The following DLGAP2 variants were observed in gnomAD, a reference collection of about 807,000 sequenced individuals.
DLGAP2 encodes the protein DLG associated protein 2, also known as disks large-associated protein 2.
DLGAP2 carries 26 observed loss-of-function variants against 100.3 expected under a neutral mutation model. The ratio of observed to expected loss-of-function variants is 0.26; its 90% CI spans 0.19 to 0.36. The LOEUF is 0.36. DLGAP2 is among the 10% of genes least tolerant of loss of function. The probability of loss-of-function intolerance (pLI) is 1.00; values close to 1 mark genes in which losing one functional copy is unlikely to be tolerated. For synonymous variants in DLGAP2, 886 were observed against 630.1 expected (o/e 1.41, Z -6.08); for missense variants, 1,858 against 1,453.2 (o/e 1.28, Z -4.53).
chr8:1,602,202 A>C (rs2977221), intron 6 of DLGAP2, among the ~76,000 whole-genome samples: 46,542 of 152,114 alleles, frequency 0.31, 7,408 homozygotes, highest in East Asian at 0.5. Flanking sequence ...GAATGGCCCA[A>C]TATGACAAGA....
intron 6 of DLGAP2, among the ~76,000 whole-genome samples, chr8:1,578,896 G>A (rs943614630): frequency 2.6e-5 from 4 of 152,168 alleles, no homozygotes; most frequent in Non-Finnish European, 4.4e-5. Flanking sequence ...CCGTCTGTGG[G>A]TCAGACCCTG....
chr8:1,433,358 G>A (rs1427028336), intron 3 of DLGAP2, among the ~76,000 whole-genome samples: 5 of 152,202 alleles, frequency 3.3e-5, no homozygotes, highest in Non-Finnish European at 5.9e-5. Context: ...CATGGCCTAC[G>A]TGTAGCACAA....
Position 1,592,220 on chromosome 8 carries a change from C to A in DLGAP2, c.1442+26326C>A, listed in dbSNP as rs376791182. ...TCCCCACTGCCAGTTTAGTCCAGTT[C>A]ACATTTACCAAGATCCTTCACAAAA... On this transcript the variant is annotated intron_variant, in intron 6 of 14. Transcript: ENST00000637795. Among the ~76,000 whole-genome samples, 11 of 152,328 alleles carry A rather than the reference C, an allele frequency of 7.2e-5. No homozygotes were observed. The East Asian group carries it at 1.5e-3, about 21-fold the overall frequency.
chr8:1,506,893 GAC>G (rs1563189841), intron 4 of DLGAP2, among the ~76,000 whole-genome samples: 1 of 152,182 alleles, frequency 6.6e-6, no homozygotes, highest in East Asian at 1.9e-4. Flanking sequence ...CCTTGAGCTA[GAC>G]ACAGAGTGCT....
chr8:1,678,307 C>G lies in DLGAP2; in HGVS notation c.2382C>G (p.Asp794Glu). ...EGFPGHITTE[D>E]KGLQFGSSFQ... ...TCCCAGGCCACATCACCACGGAGGA[C>G]AAAGGCCTTCAGTTCGGCTCATCCT... Residue 794 changes from aspartate (D) to glutamate (E), a missense_variant, in exon 12 of 15, where the codon GAC becomes GAG. By Grantham distance (45) the Asp-to-Glu change is conservative. Transcript: ENST00000637795. 8 of 1,613,990 alleles carry G rather than the reference C, an allele frequency of 5.0e-6. No individual in the cohort carries two copies. The highest frequency in any genetic ancestry group is 6.8e-6 in the Non-Finnish European group (8 of 1,179,882).
chr8:1,535,886 T>C (rs1801139443), intron 4 of DLGAP2, among the ~76,000 whole-genome samples: 1 of 152,188 alleles, frequency 6.6e-6, no homozygotes, highest in Non-Finnish European at 1.5e-5. Flanking sequence ...TGGACGGTGC[T>C]GTGGATGGAT....
chr8:1,104,356 G>T (rs1804684549), intron 2 of DLGAP2, among the ~76,000 whole-genome samples: 1 of 152,116 alleles, frequency 6.6e-6, no homozygotes, highest in Non-Finnish European at 1.5e-5. Flanking sequence ...AGGGAGGGTT[G>T]ATGCCAGCCA....
intron 5 of DLGAP2, among the ~76,000 whole-genome samples, chr8:1,557,036 G>A (rs901180294): frequency 4.6e-5 from 7 of 152,100 alleles, no homozygotes; most frequent in Admixed American, 2.0e-4. Flanking sequence ...GCTCAGCACG[G>A]GGGTGGGGGC....
intron 3 of DLGAP2, among the ~76,000 whole-genome samples, chr8:1,331,353 C>A (rs892053350): frequency 3.9e-5 from 6 of 152,156 alleles, no homozygotes; most frequent in Admixed American, 1.3e-4. Flanking sequence ...TTTCACAGCC[C>A]AGGGTGGGCT....
intron 2 of DLGAP2, among the ~76,000 whole-genome samples, chr8:1,229,214 AG>A (rs1441615747): frequency 6.6e-6 from 1 of 152,130 alleles, no homozygotes; most frequent in Admixed American, 6.6e-5. Context: ...AAATTAAAGA[AG>A]GTTTTAGTAT....
At chr8:1,304,401 G>T (rs1224738323) in intron 3 of DLGAP2, among the ~76,000 whole-genome samples, 1 of 152,210 alleles carries the variant, frequency 6.6e-6, no homozygotes, top group Non-Finnish European at 1.5e-5. Context: ...CAGGTTTCAC[G>T]TATGCAGAAA....
chr8:897,917 C>T (rs768509022), intron 1 of DLGAP2, among the ~76,000 whole-genome samples: 7 of 152,138 alleles, frequency 4.6e-5, no homozygotes, highest in Non-Finnish European at 8.8e-5. Context: ...GCACGTGCAG[C>T]GAGTTGCTGT....
intron 1 of DLGAP2, among the ~76,000 whole-genome samples, chr8:874,103 T>C (rs531454333): frequency 3.2e-4 from 48 of 152,308 alleles, no homozygotes; most frequent in Non-Finnish European, 6.5e-4. Context: ...CTCTTTTTTT[T>C]CTTTGTCAAT....
intron 3 of DLGAP2, among the ~76,000 whole-genome samples, chr8:1,495,178 C>T (rs189968379): frequency 3.9e-5 from 6 of 152,270 alleles, no homozygotes; most frequent in East Asian, 1.9e-4. Context: ...TTCATCGTGT[C>T]GTCTTCCAGG....
At chr8:1,363,410 C>T (rs540817559) in intron 3 of DLGAP2, among the ~76,000 whole-genome samples, 21 of 152,298 alleles carry the variant, frequency 1.4e-4, no homozygotes, top group South Asian at 6.2e-4. Context: ...GCCTCCACGT[C>T]GCAGGTCAGG....
intron 2 of DLGAP2, among the ~76,000 whole-genome samples, chr8:1,116,203 G>A: frequency 6.6e-6 from 1 of 152,228 alleles, no homozygotes; most frequent in East Asian, 1.9e-4. Context: ...CCTTCCGTGT[G>A]AGAAGGGAGC....
At chr8:1,130,283 G>A (rs778271269) in intron 2 of DLGAP2, among the ~76,000 whole-genome samples, 1 of 152,102 alleles carries the variant, frequency 6.6e-6, no homozygotes, top group Non-Finnish European at 1.5e-5. Context: ...TGGATTGATG[G>A]GAAGTTTAGT....
intron 6 of DLGAP2, among the ~76,000 whole-genome samples, chr8:1,603,924 A>G (rs1038625299): frequency 6.6e-6 from 1 of 152,098 alleles, no homozygotes; most frequent in Non-Finnish European, 1.5e-5. Flanking sequence ...TTGCCTCCGT[A>G]TGAGGAGTTT....
At chr8:743,780 G>C (rs1277764067) in intron 1 of DLGAP2, among the ~76,000 whole-genome samples, 2 of 152,226 alleles carry the variant, frequency 1.3e-5, no homozygotes, top group African/African-American at 4.8e-5. Context: ...GTCCAGACTA[G>C]ACTCTGACTC....
Sources: allele counts gnomAD v4.1 joint callset (sites outside exome capture counted in the v4.1 genomes callset), GRCh38; gene constraint gnomAD v4.1.1; transcripts MANE v1.5; gene names NCBI Gene and HGNC (gene_info 2026-07-23, HGNC 2026-07-21).